The following CDK6 variants were observed in gnomAD, a reference collection of about 807,000 sequenced individuals.
CDK6 encodes cyclin-dependent kinase 6.
A neutral mutation model predicts 37.1 loss-of-function variants in CDK6; 6 were observed. That is an observed-to-expected ratio of 0.16 (90% CI 0.09 to 0.32). The LOEUF (loss-of-function observed/expected upper bound fraction) is 0.32. CDK6 is among the 10% of genes least tolerant of loss of function. The probability of loss-of-function intolerance (pLI) is 1.00; values close to 1 mark genes in which losing one functional copy is unlikely to be tolerated. For synonymous variants in CDK6, 160 were observed against 161.3 expected (o/e 0.99, Z 0.06); for missense variants, 224 against 418.9 (o/e 0.53, Z 4.06).
chr7:92,833,012 C>T lies in CDK6; in HGVS notation c.233+79G>A, dbSNP rs1291278408. 9.6e-6 allele frequency: 10 copies of T among 1,037,404 alleles called. No homozygotes were observed. The highest frequency in any genetic ancestry group is 5.7e-6 in the Non-Finnish European group (4 of 705,168). 64.3% of individuals were successfully genotyped at this position (1,037,404 alleles called of 1,614,324 possible). On this transcript the variant is annotated intron_variant, in intron 2 of 7. Transcript: ENST00000424848. The surrounding 1 kb of genome is among the most constrained non-coding windows in gnomAD (Gnocchi z 6.1). The stretch of plus-strand genomic sequence containing the variant: ...CAGTCGCCCTCTGCCCCGCACCTTT[C>T]TGGGCCTGAGGATTCCCGGCTCGGC...
In CDK6 at chr7:92,817,954, C is replaced by G. The variant is rs542825442; in HGVS notation, c.233+15137G>C. Among the ~76,000 whole-genome samples, 8 of 151,962 alleles carry G rather than the reference C, an allele frequency of 5.3e-5. No homozygotes were observed. In the South Asian group the frequency reaches 1.7e-3, roughly 31 times the overall value. ...AGCAAGGGCATTACACTAAAAGCTA[C>G]AAAACTCTGATGAGAGAAATTAAAG... is the stretch of plus-strand genomic sequence containing the variant. On this transcript the variant is annotated intron_variant, in intron 2 of 7. Transcript: ENST00000424848.
At position 92,833,099 on chromosome 7, in the gene CDK6, G is replaced by A. The variant is rs867320200; in HGVS notation, c.225C>T (p.Asn75=). 1.9e-6 allele frequency: 3 copies of A among 1,590,832 alleles called. No homozygotes were observed. Among genetic ancestry groups the A allele is most frequent in the East Asian group, 2.3e-5 (1 of 43,864 alleles). The change falls in exon 2 of 8, where the codon AAC becomes AAT. Residue 75 remains asparagine (N), a synonymous_variant. Coordinates refer to ENST00000424848, the MANE Select transcript of CDK6 (RefSeq NM_001145306.2). The surrounding 1 kb of genome is among the most constrained non-coding windows in gnomAD (Gnocchi z 6.1). ...GCAGCTCCCTGGCTCACCTGACCAC[G>A]TTGGGGTGCTCGAAGGTCTCCAGGT... is the stretch of plus-strand genomic sequence containing the variant. ...LRHLETFEHP[N]VVRLFDVCTV...
rs1801544599 is a variant in CDK6, at chr7:92,833,363, G to A, written c.-40C>T. 1 of 1,440,330 alleles carries A rather than the reference G, an allele frequency of 6.9e-7. No individual in the cohort carries two copies. Among genetic ancestry groups the A allele is most frequent in the African/African-American group, 1.4e-5 (1 of 69,366 alleles). The allele number at this position is 1,440,330 out of a possible 1,614,324, so 89.2% of individuals were successfully genotyped here. A position where few individuals can be genotyped will look rare whatever the true frequency, so the allele number is the denominator to read the frequency against. ...GCCCGCCGCGGCGCCGCTGGGGCGG[G>A]CGGGGGGTGCGCTCAACTAGCTGGC... On this transcript the variant is annotated 5_prime_UTR_variant, in exon 2 of 8. Transcript: ENST00000424848. The surrounding 1 kb of genome is among the most constrained non-coding windows in gnomAD (Gnocchi z 6.1).
chr7:92,761,305 A>G (rs1157203900), intron 3 of CDK6, among the ~76,000 whole-genome samples: 1 of 152,184 alleles, frequency 6.6e-6, no homozygotes, highest in African/African-American at 2.4e-5. Context: ...CTACACACAT[A>G]TCTTTTGAAA....
At chr7:92,777,666 G>A (rs1020060674) in intron 2 of CDK6, among the ~76,000 whole-genome samples, 2 of 152,196 alleles carry the variant, frequency 1.3e-5, no homozygotes, top group Non-Finnish European at 2.9e-5. Flanking sequence ...CAGGTAGCAT[G>A]ATGCCTCCAG....
intron 2 of CDK6, among the ~76,000 whole-genome samples, chr7:92,793,720 T>A (rs1025013216): frequency 3.3e-5 from 5 of 151,994 alleles, no homozygotes; most frequent in African/African-American, 9.7e-5. Context: ...ACCAAAAACA[T>A]AAGCAATATT....
rs1801625953 is a variant in CDK6 at position 92,835,260 on chromosome 7, C to G, written c.-368+1218G>C. ...AGCCGCCGCCGGCCGCCCAACCCGC[C>G]TGTCCTGCATCCCCCCAACCCCCTC... On this transcript the variant is annotated intron_variant, in intron 1 of 7. Coordinates refer to ENST00000424848, the MANE Select transcript of CDK6 (RefSeq NM_001145306.2). This position sits in a 1 kb window ranked among gnomAD's most constrained non-coding sequence, Gnocchi z 4.2. The G allele has an allele frequency of 6.5e-6, 1 of 153,604 alleles. No individual in the cohort carries two copies. The highest frequency in any genetic ancestry group is 1.9e-4 in the East Asian group (1 of 5,204). 9.5% of individuals were successfully genotyped at this position (153,604 alleles called of 1,614,324 possible). A position where few individuals can be genotyped will look rare whatever the true frequency, so the allele number is the denominator to read the frequency against.
chr7:92,798,572 C>G (rs1800479780), intron 2 of CDK6, among the ~76,000 whole-genome samples: 1 of 152,160 alleles, frequency 6.6e-6, no homozygotes, highest in Non-Finnish European at 1.5e-5. Context: ...AAATGTCACC[C>G]TAACAATTTT....
intron 3 of CDK6, among the ~76,000 whole-genome samples, chr7:92,736,791 G>T (rs1426660974): frequency 6.6e-5 from 10 of 152,170 alleles, no homozygotes; most frequent in Admixed American, 3.9e-4. Context: ...CATACATAAT[G>T]GATGGGAGGT....
At chr7:92,793,180 T>C (rs918305205) in intron 2 of CDK6, among the ~76,000 whole-genome samples, 1 of 152,124 alleles carries the variant, frequency 6.6e-6, no homozygotes, top group Non-Finnish European at 1.5e-5. Context: ...ACTCCCCAAA[T>C]TGATCTAGAG....
At chr7:92,735,888 T>A (rs1798773023) in intron 3 of CDK6, among the ~76,000 whole-genome samples, 1 of 152,340 alleles carries the variant, frequency 6.6e-6, no homozygotes, top group South Asian at 2.1e-4. Flanking sequence ...AAGAATTTAC[T>A]GACTGCTTGC....
rs1795554089 is a variant in CDK6, at chr7:92,611,138, T to C, written c.*4002A>G. 4.4e-6 allele frequency: 1 copy of C among 227,316 alleles called. No homozygotes were observed. The highest frequency in any genetic ancestry group is 8.7e-6 in the Non-Finnish European group (1 of 114,534). The allele number at this position is 227,316 out of a possible 1,614,324, so 14.1% of individuals were successfully genotyped here. A position where few individuals can be genotyped will look rare whatever the true frequency, so the allele number is the denominator to read the frequency against. Reference sequence around the variant, plus strand: ...TTAAATACCTTCATTTTCTCCAGAATTTCCTTTATCTATTGCCCACTGTTT... The same window carrying C: ...TTAAATACCTTCATTTTCTCCAGAACTTCCTTTATCTATTGCCCACTGTTT... On this transcript the variant is annotated 3_prime_UTR_variant, in exon 8 of 8. Coordinates refer to ENST00000424848, the MANE Select transcript of CDK6 (RefSeq NM_001145306.2).
chr7:92,679,487 A>G (rs1797283885), intron 4 of CDK6, among the ~76,000 whole-genome samples: 1 of 152,220 alleles, frequency 6.6e-6, no homozygotes, highest in Non-Finnish European at 1.5e-5. Context: ...CTCAAATACA[A>G]ACATAGATAA....
chr7:92,737,539 G>A (rs141815843), intron 3 of CDK6, among the ~76,000 whole-genome samples: 18 of 152,198 alleles, frequency 1.2e-4, no homozygotes, highest in African/African-American at 3.9e-4. Context: ...GTCCTTAGGT[G>A]CTTTTTATAG....
chr7:92,694,987 C>T (rs1196930582), intron 4 of CDK6, among the ~76,000 whole-genome samples: 1 of 151,974 alleles, frequency 6.6e-6, no homozygotes, highest in Admixed American at 6.6e-5. Flanking sequence ...GGATATTAAC[C>T]TCCTACGACA....
At chr7:92,687,349 T>A (rs1246435679) in intron 4 of CDK6, among the ~76,000 whole-genome samples, 2 of 152,180 alleles carry the variant, frequency 1.3e-5, no homozygotes, top group Non-Finnish European at 2.9e-5. Context: ...TAGTGCAATA[T>A]CTGACACACG....
intron 2 of CDK6, among the ~76,000 whole-genome samples, chr7:92,812,606 T>G (rs1800914143): frequency 6.6e-6 from 1 of 151,992 alleles, no homozygotes; most frequent in Non-Finnish European, 1.5e-5. Flanking sequence ...AAATATTTTT[T>G]GTAGAAATGA....
chr7:92,677,039 T>A (rs1797221611), intron 4 of CDK6, among the ~76,000 whole-genome samples: 1 of 152,144 alleles, frequency 6.6e-6, no homozygotes, highest in Non-Finnish European at 1.5e-5. Context: ...TCACTTCACA[T>A]TTAATAAGTT....
intron 7 of CDK6, among the ~76,000 whole-genome samples, chr7:92,615,747 T>C (rs1795662056): frequency 6.6e-6 from 1 of 152,152 alleles, no homozygotes; most frequent in Non-Finnish European, 1.5e-5. Flanking sequence ...GTCACTAAAC[T>C]CTATTCCAGG....
Sources: allele counts gnomAD v4.1 joint callset (sites outside exome capture counted in the v4.1 genomes callset), GRCh38; gene constraint gnomAD v4.1.1; non-coding constraint Gnocchi (gnomAD v3.1); transcripts MANE v1.5; gene names NCBI Gene and HGNC (gene_info 2026-07-23, HGNC 2026-07-21).